The following BLOC1S2 variants were observed in gnomAD, a reference collection of about 807,000 sequenced individuals.
BLOC1S2 encodes biogenesis of lysosomal organelles complex 1 subunit 2, also known as biogenesis of lysosome-related organelles complex 1 subunit 2.
Under a neutral mutation model 19.6 loss-of-function variants are expected in BLOC1S2, and 12 were observed. The observed-to-expected ratio is 0.61, with a 90% CI of 0.39 to 0.99. The LOEUF (loss-of-function observed/expected upper bound fraction) is 0.99. Ranked by LOEUF, BLOC1S2 falls within the 50% of genes least tolerant of loss-of-function variation. The probability of loss-of-function intolerance (pLI) is 0.00; values close to 1 mark genes in which losing one functional copy is unlikely to be tolerated. For missense variants in BLOC1S2, 142 were observed against 171.0 expected (o/e 0.83, Z 0.95); for synonymous variants, 66 against 64.1 (o/e 1.03, Z -0.14).
chr10:100,282,174 T>C (rs556607444), intron 2 of BLOC1S2, among the ~76,000 whole-genome samples: 3 of 152,302 alleles, frequency 2.0e-5, no homozygotes, highest in African/African-American at 4.8e-5. Flanking sequence ...TTCCTCTCTA[T>C]GTATCAATAT....
chr10:100,277,369 G>A (rs1392017739), intron 4 of BLOC1S2, among the ~76,000 whole-genome samples: 2 of 150,884 alleles, frequency 1.3e-5, no homozygotes, highest in Non-Finnish European at 3.0e-5. Flanking sequence ...GCCCCGTCCG[G>A]GAGGTGAGGG....
rs1266692418 is a variant in BLOC1S2, at chr10:100,273,411, G to A, written c.*2051C>T. The A allele has an allele frequency of 6.6e-6, 1 of 152,064 alleles. No homozygotes were observed. The highest frequency in any genetic ancestry group is 2.4e-5 in the African/African-American group (1 of 41,390). 9.4% of individuals were successfully genotyped at this position (152,064 alleles called of 1,614,324 possible). ...TAAAAAAACTCATCCATTAAATTCT[G>A]TATTATCTTTGCAACTTTCCCGTAA... On this transcript the variant is annotated 3_prime_UTR_variant, in exon 5 of 5. Transcript: ENST00000370372.
intron 1 of BLOC1S2, 65 bp downstream of exon 1, chr10:100,286,540 T>C: frequency 6.3e-7 from 1 of 1,594,522 alleles, no homozygotes; most frequent in South Asian, 1.1e-5. Context: ...ACACTCAACC[T>C]CGCCCACCCG....
chr10:100,280,858 C>A, intron 3 of BLOC1S2, 76 bp downstream of exon 3: 8 of 1,314,960 alleles, frequency 6.1e-6, no homozygotes, highest in Admixed American at 5.6e-5. Context: ...TGTCATGTTC[C>A]CTCCTCTTCT....
chr10:100,275,559 C>T, intron 4 of BLOC1S2, 66 bp from the exon 5 acceptor site: 1 of 1,426,622 alleles, frequency 7.0e-7, no homozygotes, highest in Non-Finnish European at 9.7e-7. Context: ...TTTTAGTTAG[C>T]ATTTCCAGTC....
chr10:100,275,854 G>C (rs1847835880), intron 4 of BLOC1S2, among the ~76,000 whole-genome samples: 1 of 152,144 alleles, frequency 6.6e-6, no homozygotes, highest in South Asian at 2.1e-4. Context: ...AACCAGACTG[G>C]AACCCTCAGG....
chr10:100,277,613 T>G (rs1359817151), intron 4 of BLOC1S2, among the ~76,000 whole-genome samples: 24 of 62,114 alleles, frequency 3.9e-4, no homozygotes, highest in African/African-American at 7.2e-4. Context: ...TGGGAGGGGG[T>G]CAGCCCCCCT....
rs572571279 is a variant in BLOC1S2 at position 100,275,251 on chromosome 10, A to C, written c.*211T>G. 1.0e-5 allele frequency: 5 copies of C among 494,964 alleles called. No homozygotes were observed. The highest frequency in any genetic ancestry group is 1.4e-5 in the Non-Finnish European group (4 of 277,654). 30.7% of individuals were successfully genotyped at this position (494,964 alleles called of 1,614,324 possible). ...GCATTCAAGTAAAAGGTAGGAAGTT[A>C]TAAGTGTGAGATTCTGAGGGATTCT... On this transcript the variant is annotated 3_prime_UTR_variant, in exon 5 of 5. Coordinates refer to ENST00000370372, the MANE Select transcript of BLOC1S2 (RefSeq NM_173809.5).
At chr10:100,278,026 G>A (rs1342173547) in intron 4 of BLOC1S2, among the ~76,000 whole-genome samples, 3 of 131,476 alleles carry the variant, frequency 2.3e-5, no homozygotes, top group Admixed American at 7.3e-5. Context: ...TCAGCCCCCC[G>A]CCCGGCCAGC....
In BLOC1S2 at chr10:100,275,423, A is replaced by T; in HGVS notation, c.*39T>A. ...CAGGTTTTATAAGACATTCTTCCACATTAAAAAAAAAAGACTCTGTCCCAT... is the reference window on the plus strand; with the variant it reads ...CAGGTTTTATAAGACATTCTTCCACTTTAAAAAAAAAAGACTCTGTCCCAT... On this transcript the variant is annotated 3_prime_UTR_variant, in exon 5 of 5. Coordinates refer to ENST00000370372, the MANE Select transcript of BLOC1S2 (RefSeq NM_173809.5). 1.3e-6 allele frequency: 2 copies of T among 1,558,660 alleles called. No homozygotes were observed. The highest frequency in any genetic ancestry group is 2.8e-5 in the African/African-American group (2 of 72,634).
rs760858545 is a variant in BLOC1S2, at chr10:100,280,248, C to T, written c.293-20G>A. On this transcript the variant is annotated intron_variant, in intron 3 of 4. Transcript: ENST00000370372. Reference sequence around the variant, plus strand: ...CAGCATCTTTAAAAACAAAGAAAAACTTCATGTTTATATGGCTTTATTAAC... The same window carrying T: ...CAGCATCTTTAAAAACAAAGAAAAATTTCATGTTTATATGGCTTTATTAAC... 3 of 1,573,958 alleles carry T rather than the reference C, an allele frequency of 1.9e-6. No individual in the cohort carries two copies. Among genetic ancestry groups the T allele is most frequent in the South Asian group, 2.3e-5 (2 of 85,514 alleles).
At chr10:100,280,820 T>C in intron 3 of BLOC1S2, 114 bp downstream of exon 3, 1 of 1,349,104 alleles carries the variant, frequency 7.4e-7, no homozygotes, top group South Asian at 1.7e-5. Flanking sequence ...AATTCATTTT[T>C]AGAAAACAAG....
rs1220931506 is a variant in BLOC1S2, at chr10:100,275,447, A to G, written c.*15T>C. ...CATTAAAAAAAAAAGACTCTGTCCC[A>G]TAGAAATAAGTTTCTCATCGCTTCT... On this transcript the variant is annotated 3_prime_UTR_variant, in exon 5 of 5. Coordinates refer to ENST00000370372, the MANE Select transcript of BLOC1S2 (RefSeq NM_173809.5). 6.2e-7 allele frequency: 1 copy of G among 1,602,520 alleles called. No homozygotes were observed. The highest frequency in any genetic ancestry group is 1.7e-5 in the Admixed American group (1 of 59,518).
In BLOC1S2 at chr10:100,274,465, T is replaced by C. The variant is rs1022353628; in HGVS notation, c.*997A>G. 1.3e-5 allele frequency: 2 copies of C among 152,496 alleles called. No homozygotes were observed. The highest frequency in any genetic ancestry group is 2.9e-5 in the Non-Finnish European group (2 of 68,194). The allele number at this position is 152,496 out of a possible 1,614,324, so 9.4% of individuals were successfully genotyped here. A position where few individuals can be genotyped will look rare whatever the true frequency, so the allele number is the denominator to read the frequency against. ...TCCAGGAAGAACAGAGGATAAATGA[T>C]GACTGTCTGGAACAGAGGGGAAATG... On this transcript the variant is annotated 3_prime_UTR_variant, in exon 5 of 5. Coordinates refer to ENST00000370372, the MANE Select transcript of BLOC1S2 (RefSeq NM_173809.5).
rs187257476 is a variant in BLOC1S2 at position 100,284,844 on chromosome 10, A to C, written c.172+1253T>G. Among the ~76,000 whole-genome samples, 3 of 152,234 alleles carry C rather than the reference A, an allele frequency of 2.0e-5. No homozygotes were observed. The East Asian group carries it at 5.8e-4, about 29-fold the overall frequency. ...AAGAAAAGTAATGAAGATCTCAGGCAGAGTGGTGGTAAAAGGAATGGAAAG... is the reference window on the plus strand; with the variant it reads ...AAGAAAAGTAATGAAGATCTCAGGCCGAGTGGTGGTAAAAGGAATGGAAAG... On this transcript the variant is annotated intron_variant, in intron 2 of 4. Transcript: ENST00000370372.
chr10:100,283,700 ATC>A (rs1292472224), intron 2 of BLOC1S2, among the ~76,000 whole-genome samples: 1 of 151,912 alleles, frequency 6.6e-6, no homozygotes, highest in Non-Finnish European at 1.5e-5. Flanking sequence ...GCAAAACCTC[ATC>A]TCTACTAAAA....
Position 100,276,853 on chromosome 10 carries a change from G to A in BLOC1S2, c.398-1360C>T, listed in dbSNP as rs1280055287. Among the ~76,000 whole-genome samples the A allele has an allele frequency of 7.2e-5, 11 of 152,234 alleles. No individual in the cohort carries two copies. The East Asian group carries it at 1.9e-3, about 27-fold the overall frequency. On this transcript the variant is annotated intron_variant, in intron 4 of 4. Coordinates refer to ENST00000370372, the MANE Select transcript of BLOC1S2 (RefSeq NM_173809.5). ...CAGTGGCGTGATCTCGGCTCGCTAT[G>A]GCCTCCACCTCCCAGCCGCCTGCCT...
intron 4 of BLOC1S2, among the ~76,000 whole-genome samples, chr10:100,278,068 GC>G (rs71013435): frequency 9.5e-5 from 13 of 136,540 alleles, no homozygotes; most frequent in African/African-American, 2.5e-4. Flanking sequence ...GGGGGGCTCA[GC>G]CCCCCGCCGG....
At chr10:100,280,284 G>A in intron 3 of BLOC1S2, 56 bp from the exon 4 acceptor site, 1 of 1,405,674 alleles carries the variant, frequency 7.1e-7, no homozygotes, top group Non-Finnish European at 9.9e-7. Flanking sequence ...AAAGAATATA[G>A]GAAAAGAGTG....
Sources: gnomAD v4.1 joint callset for allele counts (sites outside exome capture counted in the v4.1 genomes callset) on GRCh38, gnomAD v4.1.1 for gene constraint, MANE v1.5 for transcripts, NCBI Gene and HGNC (gene_info 2026-07-23, HGNC 2026-07-21) for gene names.